Variants in ZBTB20 observed in about 807,000 individuals in gnomAD.
ZBTB20 encodes the protein zinc finger and BTB domain containing 20.
A neutral mutation model predicts 56.9 loss-of-function variants in ZBTB20; 9 were observed. The ratio of observed to expected loss-of-function variants is 0.16; its 90% confidence interval spans 0.10 to 0.28. The LOEUF (loss-of-function observed/expected upper bound fraction) is 0.28, where lower values mean the gene tolerates loss of function less well. Ranked by LOEUF, ZBTB20 falls within the 10% of genes least tolerant of loss-of-function variation. The pLI, the probability that ZBTB20 is intolerant of heterozygous loss-of-function variation, is 1.00. For synonymous variants in ZBTB20, 417 were observed against 420.7 expected (o/e 0.99, Z 0.11); for missense variants, 655 against 1,003.0 (o/e 0.65, Z 4.69).
intron 3 of ZBTB20, among the ~76,000 whole-genome samples, chr3:114,957,981 C>G (rs998281122): frequency 6.6e-6 from 1 of 152,174 alleles, no homozygotes; most frequent in East Asian, 1.9e-4. Flanking sequence ...AAGAACACAA[C>G]ATACATTGCT....
At chr3:115,136,393 T>C (rs1017626308) in intron 1 of ZBTB20, among the ~76,000 whole-genome samples, 1 of 152,112 alleles carries the variant, frequency 6.6e-6, no homozygotes, top group African/African-American at 2.4e-5. Flanking sequence ...ATTCCTCCTG[T>C]GTGCCAGATA....
chr3:114,840,942 T>A (rs978416039), intron 4 of ZBTB20, among the ~76,000 whole-genome samples: 1 of 152,252 alleles, frequency 6.6e-6, no homozygotes, highest in South Asian at 2.1e-4. Flanking sequence ...TTGAAAAAAA[T>A]TAAAAATTTT....
intron 7 of ZBTB20, among the ~76,000 whole-genome samples, chr3:114,434,558 T>TTCTGTGTGTGTG (rs2090374381): frequency 1.4e-5 from 2 of 145,944 alleles, no homozygotes; most frequent in South Asian, 2.2e-4. Context: ...GTGTGTGTGT[T>TTCTGTGTGTGTG]TGTGTGTGTG....
chr3:114,455,058 G>GGGGAGAGAGAGAGAGAGA (rs2091924191), intron 7 of ZBTB20, among the ~76,000 whole-genome samples: 3 of 142,672 alleles, frequency 2.1e-5, no homozygotes, highest in Non-Finnish European at 4.6e-5. Context: ...GAGAGAGGGG[G>GGGGAGAGAGAGAGAGAGA]GGGAGAGAGA....
At chr3:114,871,027 G>A (rs1312928643) in intron 4 of ZBTB20, among the ~76,000 whole-genome samples, 2 of 148,128 alleles carry the variant, frequency 1.4e-5, no homozygotes, top group Non-Finnish European at 3.0e-5. Context: ...CTGGCATGAA[G>A]AGAGTTCTTA....
intron 5 of ZBTB20, among the ~76,000 whole-genome samples, chr3:114,750,776 C>A (rs931630855): frequency 2.6e-5 from 4 of 152,144 alleles, no homozygotes; most frequent in African/African-American, 9.7e-5. Flanking sequence ...GCAATAACAG[C>A]CTTTTGAGCT....
At position 114,897,619 on chromosome 3, in the gene ZBTB20, T is replaced by C. The variant is rs191541466; in HGVS notation, c.-417+2685A>G. On this transcript the variant is annotated intron_variant, in intron 4 of 11. Coordinates refer to ENST00000675478, the MANE Select transcript of ZBTB20 (RefSeq NM_001348800.3). ...AATGATTAATATTCTAGCAAATATATATTCTTGGCTCATCTCCTAATTTCT... is the reference window on the plus strand; with the variant it reads ...AATGATTAATATTCTAGCAAATATACATTCTTGGCTCATCTCCTAATTTCT... Among the ~76,000 whole-genome samples the C allele has an allele frequency of 2.5e-3, 387 of 152,214 alleles. 1 individual carries two copies. Among genetic ancestry groups the C allele is most frequent in the African/African-American group, 8.6e-3 (357 of 41,558 alleles).
chr3:114,414,945 GC>G (rs970277649), intron 7 of ZBTB20, among the ~76,000 whole-genome samples: 3 of 150,184 alleles, frequency 2.0e-5, no homozygotes, highest in South Asian at 2.1e-4. Flanking sequence ...TTTCTCTGCC[GC>G]CCCCCCGCAC....
chr3:114,984,328 C>T (rs1051544863), intron 2 of ZBTB20, among the ~76,000 whole-genome samples: 3 of 151,952 alleles, frequency 2.0e-5, no homozygotes, highest in Non-Finnish European at 2.9e-5. Context: ...CATATGTATA[C>T]ATGTGCCTTG....
At chr3:115,036,649 A>G (rs975881990) in intron 2 of ZBTB20, among the ~76,000 whole-genome samples, 1 of 152,026 alleles carries the variant, frequency 6.6e-6, no homozygotes, top group Non-Finnish European at 1.5e-5. Flanking sequence ...TCTTGACCTC[A>G]TGATCTGCCT....
At chr3:114,883,292 ATAAAC>A (rs1437529308) in intron 4 of ZBTB20, among the ~76,000 whole-genome samples, 2 of 152,326 alleles carry the variant, frequency 1.3e-5, no homozygotes, top group East Asian at 3.9e-4. Context: ...GGCTCATTGA[ATAAAC>A]TAAATATTAT....
At chr3:114,505,504 T>C (rs2044498040) in intron 6 of ZBTB20, among the ~76,000 whole-genome samples, 1 of 152,098 alleles carries the variant, frequency 6.6e-6, no homozygotes, top group African/African-American at 2.4e-5. Context: ...CTGAAGAGGG[T>C]AAATGGTGTG....
At chr3:115,124,208 T>A (rs2084260579) in intron 1 of ZBTB20, among the ~76,000 whole-genome samples, 1 of 152,248 alleles carries the variant, frequency 6.6e-6, no homozygotes, top group African/African-American at 2.4e-5. Context: ...GTATATGTTT[T>A]ATGCTTTGTT....
chr3:114,534,800 A>G (rs2048275660), intron 6 of ZBTB20, among the ~76,000 whole-genome samples: 1 of 152,240 alleles, frequency 6.6e-6, no homozygotes, highest in African/African-American at 2.4e-5. Flanking sequence ...CTCTCAGACC[A>G]CAGTGCAATC....
At chr3:115,007,750 A>C (rs2079537591) in intron 2 of ZBTB20, among the ~76,000 whole-genome samples, 1 of 151,818 alleles carries the variant, frequency 6.6e-6, no homozygotes, top group South Asian at 2.1e-4. Context: ...CTGAAAACTG[A>C]CTTCTGCCCT....
intron 7 of ZBTB20, among the ~76,000 whole-genome samples, chr3:114,463,229 C>T (rs1294077646): frequency 6.6e-6 from 1 of 152,132 alleles, no homozygotes; most frequent in Non-Finnish European, 1.5e-5. Context: ...GAATCTCATT[C>T]GGTTGGTGTT....
intron 4 of ZBTB20, among the ~76,000 whole-genome samples, chr3:114,820,283 T>A (rs1318818650): frequency 6.6e-6 from 1 of 151,984 alleles, no homozygotes; most frequent in Non-Finnish European, 1.5e-5. Flanking sequence ...ACACAGCTAA[T>A]GAAAATGAGT....
At chr3:114,378,953 C>T (rs1271142836) in intron 10 of ZBTB20, 1 of 152,208 alleles carries the variant, frequency 6.6e-6, no homozygotes, top group East Asian at 1.9e-4. Context: ...CACGTTACTT[C>T]CCTTTTCATT....
chr3:115,098,625 G>A (rs2083465756), intron 1 of ZBTB20, among the ~76,000 whole-genome samples: 1 of 152,076 alleles, frequency 6.6e-6, no homozygotes, highest in South Asian at 2.1e-4. Context: ...TAAGCAAATT[G>A]AAAGTCTCAG....
Sources: gnomAD v4.1 joint callset for allele counts (sites outside exome capture counted in the v4.1 genomes callset) on GRCh38, gnomAD v4.1.1 for gene constraint, MANE v1.5 for transcripts, NCBI Gene and HGNC (gene_info 2026-07-23, HGNC 2026-07-21) for gene names.